The following SBF2 variants were observed in gnomAD, a reference collection of about 807,000 sequenced individuals.
SBF2 encodes the protein myotubularin-related protein 13.
Under a neutral mutation model 225.2 loss-of-function variants are expected in SBF2, and 112 were observed. That is an observed-to-expected ratio of 0.50 (90% CI 0.43 to 0.58). The LOEUF (loss-of-function observed/expected upper bound fraction) is 0.58. Ranked by LOEUF, SBF2 falls within the 20% of genes least tolerant of loss-of-function variation. The probability of loss-of-function intolerance (pLI) is 0.00; values close to 1 mark genes in which losing one functional copy is unlikely to be tolerated. For missense variants in SBF2, 1,996 were observed against 2,206.2 expected, an observed-to-expected ratio of 0.90 and a Z score of 1.91; for synonymous variants, 763 against 773.3, an observed-to-expected ratio of 0.99 and a Z score of 0.22.
chr11:9,876,500 A>G (rs1859252767), intron 17 of SBF2, among the ~76,000 whole-genome samples: 1 of 152,158 alleles, frequency 6.6e-6, no homozygotes. Flanking sequence ...CCTGAGATAG[A>G]GAGCTTGTTC....
chr11:9,829,349 A>G lies in SBF2; in HGVS notation c.3793+7T>C. The stretch of plus-strand genomic sequence containing the variant: ...CTGTCAAGAAGAAAAGTATTATCAA[A>G]TCTTACCTGGAGATAGAGCAAAGGC... On this transcript the variant is annotated splice_region_variant and intron_variant, in intron 28 of 39. Coordinates refer to ENST00000256190, the MANE Select transcript of SBF2 (RefSeq NM_030962.4). 1 of 1,614,036 alleles carries G rather than the reference A, an allele frequency of 6.2e-7. No individual in the cohort carries two copies. Among genetic ancestry groups the G allele is most frequent in the Non-Finnish European group, 8.5e-7 (1 of 1,179,914 alleles).
intron 16 of SBF2, among the ~76,000 whole-genome samples, chr11:9,945,389 G>C (rs1865506259): frequency 6.6e-6 from 1 of 152,142 alleles, no homozygotes; most frequent in Admixed American, 6.6e-5. Flanking sequence ...TAACTGGCTA[G>C]CCATTTGCAG....
intron 7 of SBF2, 79 bp downstream of exon 7, chr11:10,002,478 G>A (rs1948011136): frequency 1.7e-6 from 2 of 1,154,882 alleles, no homozygotes; most frequent in Non-Finnish European, 2.6e-6. Flanking sequence ...CAAAACCATT[G>A]TGCCATAACA....
chr11:10,175,895 C>T (rs1956440335), intron 2 of SBF2, among the ~76,000 whole-genome samples: 1 of 151,956 alleles, frequency 6.6e-6, no homozygotes, highest in African/African-American at 2.4e-5. Flanking sequence ...AACTGAACAA[C>T]CGGCTCCTGA....
chr11:10,043,267 T>G (rs1297290473), intron 2 of SBF2, among the ~76,000 whole-genome samples: 2 of 152,132 alleles, frequency 1.3e-5, no homozygotes, highest in Admixed American at 6.5e-5. Context: ...GCATCAAAAT[T>G]AAAGACATCC....
intron 2 of SBF2, among the ~76,000 whole-genome samples, chr11:10,133,863 C>T (rs1034845502): frequency 2.6e-5 from 4 of 152,242 alleles, no homozygotes; most frequent in African/African-American, 9.6e-5. Flanking sequence ...CACGCTGTCA[C>T]CTCTCACTAA....
At chr11:10,283,792 G>A (rs1963571185) in intron 1 of SBF2, among the ~76,000 whole-genome samples, 1 of 152,092 alleles carries the variant, frequency 6.6e-6, no homozygotes, top group African/African-American at 2.4e-5. Context: ...ATAGTTCACA[G>A]GCAAAGTCAG....
At chr11:10,173,311 C>T (rs202010804) in intron 2 of SBF2, among the ~76,000 whole-genome samples, 11,186 of 152,164 alleles carry the variant, frequency 0.074, 599 homozygotes, top group East Asian at 0.29. Context: ...GTGCACCGTG[C>T]GCAAGCCGAA....
At chr11:10,199,472 T>A (rs1256581832) in intron 1 of SBF2, among the ~76,000 whole-genome samples, 1 of 151,558 alleles carries the variant, frequency 6.6e-6, no homozygotes, top group Non-Finnish European at 1.5e-5. Context: ...CTGACAGACT[T>A]GTTCAACATT....
intron 1 of SBF2, among the ~76,000 whole-genome samples, chr11:10,237,427 T>C (rs942216505): frequency 1.3e-5 from 2 of 150,494 alleles, no homozygotes; most frequent in African/African-American, 2.4e-5. Flanking sequence ...TTGGAGACCA[T>C]ACACTGAAGG....
At chr11:9,952,440 C>A (rs61876980) in intron 16 of SBF2, among the ~76,000 whole-genome samples, 17,011 of 152,090 alleles carry the variant, frequency 0.11, 1,079 homozygotes, top group Non-Finnish European at 0.13. Context: ...CGCAGAGATA[C>A]CTGATGTTAC....
intron 1 of SBF2, among the ~76,000 whole-genome samples, chr11:10,245,151 A>AAT (rs1440605570): frequency 2.0e-5 from 3 of 151,778 alleles, no homozygotes; most frequent in Non-Finnish European, 4.4e-5. Flanking sequence ...AAAAAAAAAA[A>AAT]AATTAAAATG....
intron 1 of SBF2, among the ~76,000 whole-genome samples, chr11:10,197,181 A>G (rs1957406342): frequency 6.6e-6 from 1 of 152,106 alleles, no homozygotes; most frequent in Non-Finnish European, 1.5e-5. Flanking sequence ...TGTATCCCTT[A>G]TAAGAAAAGA....
intron 2 of SBF2, among the ~76,000 whole-genome samples, chr11:10,143,129 C>T (rs115146681): frequency 0.013 from 1,994 of 152,154 alleles, 50 homozygotes; most frequent in African/African-American, 0.046. Context: ...GGGCCCCCAT[C>T]CTTACTCCTC....
upstream of SBF2, among the ~76,000 whole-genome samples, chr11:10,294,812 G>A (rs1424840011): frequency 1.3e-5 from 2 of 152,238 alleles, no homozygotes; most frequent in Non-Finnish European, 2.9e-5. Context: ...AGATTCCACC[G>A]AGGAACGCGG....
chr11:9,949,903 A>C (rs888763900), intron 16 of SBF2, among the ~76,000 whole-genome samples: 5 of 152,192 alleles, frequency 3.3e-5, no homozygotes, highest in African/African-American at 1.2e-4. Context: ...TGCATAGAAA[A>C]TAATATATTG....
At chr11:10,286,166 G>GCGCACACACACACACACA (rs373771420) in intron 1 of SBF2, among the ~76,000 whole-genome samples, 1 of 147,238 alleles carries the variant, frequency 6.8e-6, no homozygotes, top group Admixed American at 6.8e-5. Context: ...ACACGCACAC[G>GCGCACACACACACACACA]CACACACACA....
At chr11:9,867,812 T>G (rs1034312499) in intron 17 of SBF2, among the ~76,000 whole-genome samples, 8 of 152,032 alleles carry the variant, frequency 5.3e-5, no homozygotes, top group African/African-American at 1.7e-4. Context: ...GCAAAAAAAG[T>G]TCATCTAATG....
At chr11:9,804,347 G>A (rs557366312) in intron 32 of SBF2, among the ~76,000 whole-genome samples, 5 of 152,282 alleles carry the variant, frequency 3.3e-5, no homozygotes, top group South Asian at 2.1e-4. Flanking sequence ...ATTCTTCTCC[G>A]TAGAAACAAG....
Sources: gnomAD v4.1 joint callset for allele counts (sites outside exome capture counted in the v4.1 genomes callset) on GRCh38, gnomAD v4.1.1 for gene constraint, MANE v1.5 for transcripts, NCBI Gene and HGNC (gene_info 2026-07-23, HGNC 2026-07-21) for gene names.